The following MORC1 variants were observed in gnomAD, a reference collection of about 807,000 sequenced individuals.
MORC1 encodes MORC family CW-type zinc finger protein 1.
Under a neutral mutation model 134.9 loss-of-function variants are expected in MORC1, and 59 were observed. The observed-to-expected ratio is 0.44, with a 90% CI of 0.35 to 0.54. MORC1 has a LOEUF of 0.54. Among genes scored for constraint, MORC1 ranks in the 20% least tolerant of loss-of-function variants. MORC1 has a pLI of 0.00. For missense variants in MORC1, 947 were observed against 1,134.5 expected, an observed-to-expected ratio of 0.83 and a Z score of 2.37; for synonymous variants, 395 against 391.7, an observed-to-expected ratio of 1.01 and a Z score of -0.10.
At chr3:108,978,474 C>T (rs1302069387) in intron 24 of MORC1, among the ~76,000 whole-genome samples, 3 of 152,168 alleles carry the variant, frequency 2.0e-5, no homozygotes, top group African/African-American at 7.2e-5. Flanking sequence ...GTGGGGTCTT[C>T]ATGCCCATGT....
chr3:109,015,757 CA>C (rs1173945544), intron 17 of MORC1, among the ~76,000 whole-genome samples: 1 of 149,166 alleles, frequency 6.7e-6, no homozygotes, highest in Non-Finnish European at 1.5e-5. Flanking sequence ...AAAAACAGTC[CA>C]TCACATCAGC....
At position 108,991,593 on chromosome 3, in the gene MORC1, T is replaced by A. The variant is rs567569457; in HGVS notation, c.2188-4644A>T. 1.6e-3 allele frequency among the ~76,000 whole-genome samples: 240 copies of A among 152,350 alleles called. 1 individual carries two copies. Among genetic ancestry groups the A allele is most frequent in the African/African-American group, 5.5e-3 (227 of 41,584 alleles). On this transcript the variant is annotated intron_variant, in intron 21 of 27. Transcript: ENST00000232603. ...CATCCTTTTTCTGTCTACTCTCAAC[T>A]TCTCAAGGAACCTATTAAAATTTCT... is the stretch of plus-strand genomic sequence containing the variant.
chr3:109,086,339 T>C (rs1426484350), intron 8 of MORC1, among the ~76,000 whole-genome samples: 1 of 152,048 alleles, frequency 6.6e-6, no homozygotes, highest in Non-Finnish European at 1.5e-5. Flanking sequence ...TCATATACCC[T>C]GAAAATATGT....
chr3:109,054,037 A>C (rs1370686467), intron 14 of MORC1, among the ~76,000 whole-genome samples: 3 of 151,882 alleles, frequency 2.0e-5, no homozygotes, highest in Non-Finnish European at 2.9e-5. Context: ...TAATCCCAGC[A>C]CTTTGGGAGG....
chr3:108,982,303 GGAGTGTAA>G (rs1423963524), intron 23 of MORC1, among the ~76,000 whole-genome samples: 2 of 152,132 alleles, frequency 1.3e-5, no homozygotes, highest in Non-Finnish European at 2.9e-5. Context: ...ACTGTTGGTG[GGAGTGTAA>G]ACTAGTTCAA....
intron 8 of MORC1, among the ~76,000 whole-genome samples, chr3:109,080,594 G>A (rs182586955): frequency 6.6e-5 from 10 of 152,132 alleles, no homozygotes; most frequent in African/African-American, 2.2e-4. Flanking sequence ...AAGAAGATTG[G>A]AATAAGAACC....
chr3:109,001,800 A>C (rs1457833961), intron 20 of MORC1, among the ~76,000 whole-genome samples: 1 of 152,108 alleles, frequency 6.6e-6, no homozygotes, highest in African/African-American at 2.4e-5. Context: ...CTCCTATTTA[A>C]ACCTCACCTC....
chr3:109,084,149 C>A (rs1950573802), intron 8 of MORC1, among the ~76,000 whole-genome samples: 1 of 152,092 alleles, frequency 6.6e-6, no homozygotes, highest in South Asian at 2.1e-4. Flanking sequence ...ACTGAAAGTT[C>A]TGGTCATAGC....
intron 21 of MORC1, among the ~76,000 whole-genome samples, chr3:108,996,123 A>T (rs949051390): frequency 2.0e-5 from 3 of 152,124 alleles, no homozygotes; most frequent in African/African-American, 7.2e-5. Context: ...CCCATCTGTA[A>T]AATAGGGGTG....
intron 21 of MORC1, among the ~76,000 whole-genome samples, chr3:108,990,637 A>T (rs1948024105): frequency 6.6e-6 from 1 of 152,084 alleles, no homozygotes; most frequent in South Asian, 2.1e-4. Flanking sequence ...TTACTTATTC[A>T]TCTTGTCTAT....
intron 3 of MORC1, among the ~76,000 whole-genome samples, chr3:109,108,190 A>G (rs1365529282): frequency 6.6e-6 from 1 of 151,860 alleles, no homozygotes; most frequent in Non-Finnish European, 1.5e-5. Context: ...CTCCATCTCG[A>G]AAAAAAAGGA....
chr3:109,036,346 A>T (rs1444120041), intron 14 of MORC1, among the ~76,000 whole-genome samples: 1 of 152,212 alleles, frequency 6.6e-6, no homozygotes, highest in Admixed American at 6.5e-5. Context: ...GCCTGTCCAT[A>T]TAAAATTGCG....
chr3:108,959,256 A>G (rs1947016240), intron 27 of MORC1, 136 bp from the exon 28 acceptor site: 1 of 643,816 alleles, frequency 1.6e-6, no homozygotes, highest in East Asian at 3.4e-5. Context: ...TCATGCTTTT[A>G]ACCTTTCAAA....
chr3:109,014,557 G>A (rs1275659719), intron 17 of MORC1, among the ~76,000 whole-genome samples: 2 of 152,158 alleles, frequency 1.3e-5, no homozygotes, highest in African/African-American at 2.4e-5. Flanking sequence ...GAATCACTCT[G>A]GGATGAGTCT....
At chr3:109,105,306 C>T (rs566887171) in intron 3 of MORC1, among the ~76,000 whole-genome samples, 33 of 152,268 alleles carry the variant, frequency 2.2e-4, no homozygotes, top group African/African-American at 7.7e-4. Context: ...GGGCGGATCA[C>T]GAGGTCGAGA....
chr3:109,030,682 T>G (rs1316834258), intron 16 of MORC1, among the ~76,000 whole-genome samples: 1 of 152,212 alleles, frequency 6.6e-6, no homozygotes, highest in Non-Finnish European at 1.5e-5. Context: ...CAGTTTTCTG[T>G]CAACATGGCT....
intron 17 of MORC1, among the ~76,000 whole-genome samples, chr3:109,017,699 C>T (rs764148826): frequency 2.0e-5 from 3 of 152,098 alleles, no homozygotes; most frequent in Non-Finnish European, 4.4e-5. Context: ...CACAGTTAAC[C>T]TACTTCAAAA....
At chr3:108,994,673 A>C (rs980912135) in intron 21 of MORC1, among the ~76,000 whole-genome samples, 2 of 151,996 alleles carry the variant, frequency 1.3e-5, no homozygotes, top group African/African-American at 4.8e-5. Flanking sequence ...AGGCATGTAC[A>C]TGCCTTTTTT....
intron 9 of MORC1, among the ~76,000 whole-genome samples, chr3:109,064,736 A>T (rs985116258): frequency 3.3e-5 from 5 of 152,202 alleles, no homozygotes; most frequent in African/African-American, 1.2e-4. Flanking sequence ...TATTGTAAAA[A>T]TAATTCTAAT....
Sources: gnomAD v4.1 joint callset for allele counts (sites outside exome capture counted in the v4.1 genomes callset) on GRCh38, gnomAD v4.1.1 for gene constraint, MANE v1.5 for transcripts, NCBI Gene and HGNC (gene_info 2026-07-23, HGNC 2026-07-21) for gene names.